Variants in CHODL observed in about 807,000 individuals in gnomAD.
CHODL encodes the protein chondrolectin, also known as transmembrane protein MT75.
CHODL carries 29 observed loss-of-function variants against 34.5 expected under a neutral mutation model. The ratio of observed to expected loss-of-function variants is 0.84; its 90% confidence interval spans 0.63 to 1.15. CHODL has a LOEUF of 1.15. Among genes scored for constraint, CHODL ranks in the 50% most tolerant of loss-of-function variants. The pLI is 0.00. For synonymous variants in CHODL, 125 were observed against 116.1 expected, an observed-to-expected ratio of 1.08 and a Z score of -0.49; for missense variants, 332 against 332.5, an observed-to-expected ratio of 1.00 and a Z score of 0.01.
intron 2 of CHODL, among the ~76,000 whole-genome samples, chr21:18,227,757 T>A (rs1323267881): frequency 6.6e-6 from 1 of 152,178 alleles, no homozygotes; most frequent in Non-Finnish European, 1.5e-5. Flanking sequence ...AAACATTTAA[T>A]AAATTGTAAT....
intron 2 of CHODL, among the ~76,000 whole-genome samples, chr21:18,066,865 A>G (rs997222175): frequency 1.3e-5 from 2 of 152,180 alleles, no homozygotes; most frequent in African/African-American, 4.8e-5. Flanking sequence ...GCACAGAGAA[A>G]TGATTATGGG....
intron 1 of CHODL, among the ~76,000 whole-genome samples, chr21:17,965,529 C>A (rs2063565102): frequency 6.6e-6 from 1 of 151,860 alleles, no homozygotes; most frequent in Admixed American, 6.6e-5. Context: ...GAAATGCCAC[C>A]TCTGCCACTC....
intron 2 of CHODL, among the ~76,000 whole-genome samples, chr21:18,047,422 T>C (rs2064457621): frequency 6.6e-6 from 1 of 151,946 alleles, no homozygotes; most frequent in Non-Finnish European, 1.5e-5. Context: ...TGGATATATA[T>C]TTTTATATTA....
intron 1 of CHODL, among the ~76,000 whole-genome samples, chr21:17,942,323 C>A (rs1306356184): frequency 1.3e-5 from 2 of 152,074 alleles, no homozygotes; most frequent in African/African-American, 2.4e-5. Flanking sequence ...GTAATTGAAT[C>A]ATGGGGGTGG....
intron 2 of CHODL, among the ~76,000 whole-genome samples, chr21:18,039,888 GGAATTT>G (rs1388663691): frequency 6.6e-6 from 1 of 151,686 alleles, no homozygotes; most frequent in Non-Finnish European, 1.5e-5. Context: ...TCCAGTAAAA[GGAATTT>G]GACATTTATA....
At position 18,029,527 on chromosome 21, in the gene CHODL, G is replaced by A. The variant is rs146489427; in HGVS notation, c.-45+1556G>A. On this transcript the variant is annotated intron_variant, in intron 2 of 6. Coordinates refer to the CHODL transcript ENST00000400127. ...TTTACTTGTTTTTATGTGCAAAAAG[G>A]CAACAATTTAGGAAACTTTGTATAT... Among the ~76,000 whole-genome samples, 6 of 134,902 alleles carry A rather than the reference G, an allele frequency of 4.4e-5. 1 individual carries two copies. Among genetic ancestry groups the A allele is most frequent in the Admixed American group, 1.5e-4 (2 of 12,948 alleles). The allele number at this position is 134,902 out of a possible 152,430, so 88.5% of individuals were successfully genotyped here. A position where few individuals can be genotyped will look rare whatever the true frequency, so the allele number is the denominator to read the frequency against.
intron 1 of CHODL, among the ~76,000 whole-genome samples, chr21:18,015,243 T>C (rs2064061246): frequency 6.6e-6 from 1 of 152,152 alleles, no homozygotes; most frequent in Non-Finnish European, 1.5e-5. Context: ...GCTGTTCCCA[T>C]GATAGTGAGT....
Position 18,256,329 on chromosome 21 carries a change from A to G in CHODL, c.80-180A>G, listed in dbSNP as rs530115412. The stretch of plus-strand genomic sequence containing the variant: ...ATGTTGCAAGTTTACGAGGGAATAA[A>G]TTTGCTTTTACAAATTGCAAGCAAT... On this transcript the variant is annotated intron_variant, in intron 1 of 5. Transcript: ENST00000299295. 3.3e-4 allele frequency among the ~76,000 whole-genome samples: 50 copies of G among 152,306 alleles called. 1 individual carries two copies. The South Asian group carries it at 9.9e-3, about 30-fold the overall frequency.
intron 1 of CHODL, among the ~76,000 whole-genome samples, chr21:17,968,730 G>A (rs2063592380): frequency 6.6e-6 from 1 of 152,126 alleles, no homozygotes; most frequent in Non-Finnish European, 1.5e-5. Flanking sequence ...TGGGATCAAT[G>A]CAGAGTTCAT....
chr21:18,257,119 A>G lies in CHODL; in HGVS notation c.539A>G (p.Tyr180Cys), dbSNP rs758972132. Residue 180 changes from tyrosine to cysteine, a missense_variant, in exon 3 of 6, where the codon TAT becomes TGT. Coordinates refer to ENST00000299295, the MANE Select transcript of CHODL (RefSeq NM_024944.3). ...CNMKHNYICKYEPEINPTAPV... is the reference protein window; with the variant it reads ...CNMKHNYICKCEPEINPTAPV... ...ATGAAGCACAATTATATTTGCAAGT[A>G]TGAACCAGGTAAGCAGTAGCAAAAG... 1.2e-6 allele frequency: 2 copies of G among 1,611,152 alleles called. No homozygotes were observed. The highest frequency in any genetic ancestry group is 1.3e-5 in the African/African-American group (1 of 74,836).
chr21:18,257,151 T>C, intron 3 of CHODL, 24 bp downstream of exon 3: 1 of 1,580,906 alleles, frequency 6.3e-7, no homozygotes, highest in South Asian at 1.1e-5. Flanking sequence ...AAAGAAGGTA[T>C]AGAAGATTTT....
intron 2 of CHODL, among the ~76,000 whole-genome samples, chr21:18,159,442 A>T (rs866841835): frequency 1.2e-4 from 18 of 152,166 alleles, no homozygotes; most frequent in African/African-American, 4.3e-4. Flanking sequence ...GGTATTAAAT[A>T]TTGAAACCCT....
At chr21:18,177,535 C>A (rs2073330792) in intron 2 of CHODL, among the ~76,000 whole-genome samples, 1 of 152,122 alleles carries the variant, frequency 6.6e-6, no homozygotes, top group Non-Finnish European at 1.5e-5. Flanking sequence ...ACACATTGGG[C>A]AATTTAGTAT....
intron 1 of CHODL, among the ~76,000 whole-genome samples, chr21:17,930,959 A>T (rs936108348): frequency 1.3e-5 from 2 of 152,182 alleles, no homozygotes; most frequent in Non-Finnish European, 2.9e-5. Context: ...TTTCGGTGAC[A>T]TTGTGGCCTG....
In CHODL at chr21:18,004,843, AAAC is replaced by A. The variant is rs533161675; in HGVS notation, c.-144-23021_-144-23019del. 2.2e-3 allele frequency among the ~76,000 whole-genome samples: 333 copies of A among 150,934 alleles called. 1 individual carries two copies. The highest frequency in any genetic ancestry group is 7.5e-3 in the African/African-American group (310 of 41,184). ...GAGGTAAAAAATTGCAAAAAAAAAA[AAAC>A]AACAACAGTTAAAGGTCTTAAACAT... On this transcript the variant is annotated intron_variant, in intron 1 of 6. Transcript: ENST00000400127.
At chr21:17,951,516 G>T (rs2063457131) in intron 1 of CHODL, among the ~76,000 whole-genome samples, 1 of 151,906 alleles carries the variant, frequency 6.6e-6, no homozygotes, top group Non-Finnish European at 1.5e-5. Flanking sequence ...AATAACAAAA[G>T]ACTGTATCCA....
chr21:18,018,805 G>A (rs566268129), intron 1 of CHODL, among the ~76,000 whole-genome samples: 10 of 152,192 alleles, frequency 6.6e-5, no homozygotes, highest in Admixed American at 2.0e-4. Flanking sequence ...AGTCCTACAC[G>A]TGTGCTCCTT....
chr21:18,262,685 A>C (rs1227072995), intron 4 of CHODL, 106 bp from the exon 5 acceptor site: 1 of 672,870 alleles, frequency 1.5e-6, no homozygotes, highest in Non-Finnish European at 2.6e-6. Context: ...GGGTCAATTT[A>C]TTGAAAATTC....
At chr21:18,002,428 TA>T (rs1234062017) in intron 1 of CHODL, among the ~76,000 whole-genome samples, 7 of 152,238 alleles carry the variant, frequency 4.6e-5, no homozygotes, top group Admixed American at 1.3e-4. Context: ...ATTTCAAACA[TA>T]CTTCTCTCTT....
Sources: gnomAD v4.1 joint callset for allele counts (sites outside exome capture counted in the v4.1 genomes callset) on GRCh38, gnomAD v4.1.1 for gene constraint, MANE v1.5 for transcripts, NCBI Gene and HGNC (gene_info 2026-07-23, HGNC 2026-07-21) for gene names.